Variants in FAM222B observed in about 807,000 individuals in gnomAD.
FAM222B encodes protein FAM222B.
In FAM222B, 12 loss-of-function variants were observed where a neutral mutation model predicts 38.0. That is an observed-to-expected ratio of 0.32 (90% CI 0.20 to 0.51). The LOEUF (loss-of-function observed/expected upper bound fraction) is 0.51, where lower values mean the gene tolerates loss of function less well. Among genes scored for constraint, FAM222B ranks in the 20% least tolerant of loss-of-function variants. The probability of loss-of-function intolerance (pLI) is 0.97; values close to 1 mark genes in which losing one functional copy is unlikely to be tolerated. For synonymous variants in FAM222B, 329 were observed against 317.2 expected (o/e 1.04, Z -0.40); for missense variants, 716 against 754.2 (o/e 0.95, Z 0.59).
intron 2 of FAM222B, among the ~76,000 whole-genome samples, chr17:28,765,396 G>A (rs187093319): frequency 9.2e-5 from 14 of 152,288 alleles, no homozygotes; most frequent in Admixed American, 2.6e-4. Context: ...CCAGAGTTGA[G>A]TAGATGCAAC....
intron 1 of FAM222B, among the ~76,000 whole-genome samples, chr17:28,851,765 C>G (rs1267660781): frequency 6.6e-6 from 1 of 151,470 alleles, no homozygotes; most frequent in Non-Finnish European, 1.5e-5. Flanking sequence ...ATCCCAGCTA[C>G]TCGGGAGGCT....
intron 1 of FAM222B, among the ~76,000 whole-genome samples, chr17:28,769,424 G>A (rs1450582966): frequency 1.3e-5 from 2 of 151,766 alleles, no homozygotes; most frequent in African/African-American, 4.8e-5. Flanking sequence ...CTCATGATCC[G>A]CCCGCCTCGG....
chr17:28,816,438 A>G (rs962973633), intron 1 of FAM222B, among the ~76,000 whole-genome samples: 3 of 152,176 alleles, frequency 2.0e-5, no homozygotes, highest in African/African-American at 7.2e-5. Context: ...GAAGAGATCA[A>G]TAGGCTAGAC....
chr17:28,838,219 G>T (rs2038915864), intron 1 of FAM222B, among the ~76,000 whole-genome samples: 1 of 152,026 alleles, frequency 6.6e-6, no homozygotes, highest in Non-Finnish European at 1.5e-5. Flanking sequence ...GGAGGCAGAG[G>T]TTGCGCTGAG....
chr17:28,851,295 G>A (rs576706068), intron 1 of FAM222B, among the ~76,000 whole-genome samples: 1 of 151,824 alleles, frequency 6.6e-6, no homozygotes, highest in South Asian at 2.1e-4. Flanking sequence ...CACTTTGGGA[G>A]GCCGAGGTGG....
intron 1 of FAM222B, among the ~76,000 whole-genome samples, chr17:28,798,610 G>A (rs1316080665): frequency 1.3e-5 from 2 of 150,436 alleles, no homozygotes; most frequent in South Asian, 2.1e-4. Context: ...TTTCTCATGT[G>A]AAGTTTAATA....
At chr17:28,801,466 A>AG (rs2037225142) in intron 1 of FAM222B, among the ~76,000 whole-genome samples, 1 of 151,660 alleles carries the variant, frequency 6.6e-6, no homozygotes, top group South Asian at 2.1e-4. Context: ...AAAAAAAAAA[A>AG]AAAAGAAAAG....
intron 1 of FAM222B, among the ~76,000 whole-genome samples, chr17:28,794,781 A>T (rs2036861156): frequency 6.6e-6 from 1 of 152,052 alleles, no homozygotes; most frequent in Non-Finnish European, 1.5e-5. Context: ...ACTTCCAAAA[A>T]TATGTAACTT....
chr17:28,776,083 A>AG, intron 1 of FAM222B, among the ~76,000 whole-genome samples: 1 of 148,164 alleles, frequency 6.7e-6, no homozygotes, highest in Admixed American at 6.7e-5. Flanking sequence ...CTCAAAAAAA[A>AG]AAAAAGAAAA....
In FAM222B at chr17:28,757,103, A is replaced by G. The variant is rs2034736547; in HGVS notation, c.*1167T>C. Reference sequence around the variant, plus strand: ...ATGAAGGTATGCTCTAAGAATGGACAGAGGGCAGGAGGGGCTTGTTTCCAA... The same window carrying G: ...ATGAAGGTATGCTCTAAGAATGGACGGAGGGCAGGAGGGGCTTGTTTCCAA... On this transcript the variant is annotated 3_prime_UTR_variant, in exon 3 of 3. Coordinates refer to ENST00000581407, the MANE Select transcript of FAM222B (RefSeq NM_001077498.3). 6.5e-6 allele frequency: 1 copy of G among 152,678 alleles called. No individual in the cohort carries two copies. Among genetic ancestry groups the G allele is most frequent in the Non-Finnish European group, 1.5e-5 (1 of 68,052 alleles). 9.5% of individuals were successfully genotyped at this position (152,678 alleles called of 1,614,324 possible). A position where few individuals can be genotyped will look rare whatever the true frequency, so the allele number is the denominator to read the frequency against.
intron 1 of FAM222B, among the ~76,000 whole-genome samples, chr17:28,813,675 A>G (rs952342758): frequency 6.6e-5 from 10 of 150,824 alleles, no homozygotes; most frequent in African/African-American, 2.4e-4. Context: ...AGCTGGGACT[A>G]CAGGTGGCCG....
intron 1 of FAM222B, among the ~76,000 whole-genome samples, chr17:28,805,888 TC>T (rs2037473362): frequency 6.6e-6 from 1 of 152,114 alleles, no homozygotes; most frequent in African/African-American, 2.4e-5. Flanking sequence ...ACGCCTGTAA[TC>T]CCAGCACTTT....
intron 1 of FAM222B, among the ~76,000 whole-genome samples, chr17:28,818,590 T>A (rs938172419): frequency 1.3e-5 from 2 of 151,220 alleles, no homozygotes; most frequent in African/African-American, 4.9e-5. Flanking sequence ...ATAACAAGAC[T>A]CTATAGGAAT....
chr17:28,846,254 A>G (rs1319577765), upstream of FAM222B, among the ~76,000 whole-genome samples: 4 of 150,886 alleles, frequency 2.7e-5, no homozygotes, highest in Non-Finnish European at 1.5e-5. Context: ...CTGTGGTCCC[A>G]CCTACTTGGG....
intron 1 of FAM222B, among the ~76,000 whole-genome samples, chr17:28,840,803 A>T (rs1488684608): frequency 5.3e-5 from 8 of 151,912 alleles, no homozygotes; most frequent in Admixed American, 5.3e-4. Flanking sequence ...ACTAAAAAAA[A>T]TACAAAAATT....
At chr17:28,779,345 G>GATTT (rs1567819991) in intron 1 of FAM222B, among the ~76,000 whole-genome samples, 1 of 152,082 alleles carries the variant, frequency 6.6e-6, no homozygotes, top group Non-Finnish European at 1.5e-5. Context: ...GATCAAGTGA[G>GATTT]ATTTATCCCA....
chr17:28,774,048 A>G (rs1390514173), intron 1 of FAM222B, among the ~76,000 whole-genome samples: 1 of 152,242 alleles, frequency 6.6e-6, no homozygotes, highest in East Asian at 1.9e-4. Flanking sequence ...GGAATCCTCC[A>G]GAGGCCTGGC....
At chr17:28,792,362 T>G (rs1335029247) in intron 1 of FAM222B, among the ~76,000 whole-genome samples, 2 of 149,574 alleles carry the variant, frequency 1.3e-5, no homozygotes, top group Non-Finnish European at 3.0e-5. Context: ...GTGCCTGCAG[T>G]CCCAGCTACT....
chr17:28,815,276 C>T (rs935644430), intron 1 of FAM222B, among the ~76,000 whole-genome samples: 7 of 151,142 alleles, frequency 4.6e-5, no homozygotes, highest in Admixed American at 2.0e-4. Context: ...TGCAGTGGCG[C>T]GATCTCGGCG....
Sources: gnomAD v4.1 joint callset for allele counts (sites outside exome capture counted in the v4.1 genomes callset) on GRCh38, gnomAD v4.1.1 for gene constraint, MANE v1.5 for transcripts, NCBI Gene and HGNC (gene_info 2026-07-23, HGNC 2026-07-21) for gene names.